DSTYK: variants seen among roughly 807,000 people sequenced by gnomAD.
DSTYK encodes dual serine/threonine and tyrosine protein kinase, also known as RIP-homologous kinase.
A neutral mutation model predicts 98.7 loss-of-function variants in DSTYK; 34 were observed. The ratio of observed to expected loss-of-function variants is 0.34; its 90% confidence interval spans 0.26 to 0.46. The LOEUF (loss-of-function observed/expected upper bound fraction) is 0.46. Among genes scored for constraint, DSTYK ranks in the 20% least tolerant of loss-of-function variants. The pLI is 1.00. For missense variants in DSTYK, 962 were observed against 1,181.7 expected (o/e 0.81, Z 2.73); for synonymous variants, 462 against 457.3 (o/e 1.01, Z -0.13).
chr1:205,211,346 G>C lies in DSTYK; in HGVS notation c.190C>G (p.Leu64Val). The C allele has an allele frequency of 6.2e-7, 1 of 1,612,078 alleles. No individual in the cohort carries two copies. The highest frequency in any genetic ancestry group is 8.5e-7 in the Non-Finnish European group (1 of 1,179,226). The stretch of plus-strand genomic sequence containing the variant: ...CCGCCGCCGCCCGTGAGGGAGGAGA[G>C]ACAAGTGTGGTTGTGGGAGCACTTG... ...DIKCSHNHTC[L>V]SSLTGGGGAE... is the part of the protein sequence containing the mutation. Residue 64 changes from leucine to valine, a missense_variant, in exon 1 of 13, where the codon CTC becomes GTC. Physicochemically the swap from Leu to Val is conservative, Grantham distance 32 (BLOSUM62 1). Transcript: ENST00000367162.
chr1:205,157,201 T>C, intron 10 of DSTYK, 72 bp downstream of exon 10: 3 of 1,325,306 alleles, frequency 2.3e-6, no homozygotes, highest in Non-Finnish European at 3.2e-6. Flanking sequence ...CTAACTTACA[T>C]TTACATGTAC....
At chr1:205,161,623 C>T (rs1242055700) in intron 6 of DSTYK, among the ~76,000 whole-genome samples, 1 of 152,138 alleles carries the variant, frequency 6.6e-6, no homozygotes, top group African/African-American at 2.4e-5. Flanking sequence ...ACCCACTCCC[C>T]GCCAGTGGAC....
intron 8 of DSTYK, 115 bp downstream of exon 8, chr1:205,159,999 C>A: frequency 8.1e-7 from 1 of 1,240,264 alleles, no homozygotes; most frequent in Non-Finnish European, 1.2e-6. Context: ...GTCTGTTAGA[C>A]ACAGAAAACT....
intron 2 of DSTYK, among the ~76,000 whole-genome samples, chr1:205,171,294 T>C (rs1222460933): frequency 6.6e-6 from 1 of 151,522 alleles, no homozygotes. Context: ...GTACTAAAAA[T>C]ACAAAAATTA....
intron 1 of DSTYK, chr1:205,202,377 T>C (rs1659069076): frequency 1.4e-6 from 1 of 732,690 alleles, no homozygotes; most frequent in Admixed American, 1.7e-5. Flanking sequence ...ATTCCAACAT[T>C]ACAATGGTTG....
chr1:205,164,975 C>T (rs1000719753), intron 3 of DSTYK, among the ~76,000 whole-genome samples: 5 of 152,188 alleles, frequency 3.3e-5, no homozygotes, highest in Non-Finnish European at 5.9e-5. Context: ...GGAAGTAATA[C>T]AGCCAGCTTT....
At position 205,144,819 on chromosome 1, in the gene DSTYK, G is replaced by C. The variant is rs746592522; in HGVS notation, c.*2739C>G. ...AAAAACTGTTGGGGAATCTGCTAGA[G>C]AACTGGTATCTGACAGCAAACTAAG... On this transcript the variant is annotated 3_prime_UTR_variant, in exon 13 of 13. Transcript: ENST00000367162. The C allele has an allele frequency of 1.3e-5, 2 of 152,158 alleles. No homozygotes were observed. The highest frequency in any genetic ancestry group is 2.4e-5 in the African/African-American group (1 of 41,432). 9.4% of individuals were successfully genotyped at this position (152,158 alleles called of 1,614,324 possible). A position where few individuals can be genotyped will look rare whatever the true frequency, so the allele number is the denominator to read the frequency against.
At chr1:205,172,974 C>T (rs1658112759) in intron 2 of DSTYK, 1 of 152,156 alleles carries the variant, frequency 6.6e-6, no homozygotes, top group African/African-American at 2.4e-5. Flanking sequence ...TGAATCATTT[C>T]AGTCAGGCAT....
chr1:205,174,915 T>G (rs1658184508), intron 2 of DSTYK, among the ~76,000 whole-genome samples: 1 of 150,372 alleles, frequency 6.7e-6, no homozygotes, highest in South Asian at 2.1e-4. Context: ...TTTTGTTTTT[T>G]TAGTAGAGAT....
rs142520240 is a variant in DSTYK, at chr1:205,166,896, G to A, written c.1324+2267C>T. On this transcript the variant is annotated intron_variant, in intron 3 of 12. Coordinates refer to ENST00000367162, the MANE Select transcript of DSTYK (RefSeq NM_015375.3). ...CTCATTGATTCTCCAAAGACGTACT[G>A]TATACAAGAGTCTGTGTTATTTGCT... Among the ~76,000 whole-genome samples the A allele has an allele frequency of 1.6e-3, 248 of 152,276 alleles. 1 individual carries two copies. The highest frequency in any genetic ancestry group is 5.8e-3 in the African/African-American group (239 of 41,562).
intron 1 of DSTYK, among the ~76,000 whole-genome samples, chr1:205,191,241 C>T (rs549662815): frequency 7.2e-5 from 11 of 152,350 alleles, no homozygotes; most frequent in African/African-American, 2.4e-4. Flanking sequence ...AAGCTCTTTG[C>T]TTCTCCCACT....
rs1313778082 is a variant in DSTYK, at chr1:205,163,777, G to C, written c.1503C>G (p.Ser501Arg). The change falls in exon 4 of 13, where the codon AGC becomes AGG. Residue 501 changes from serine to arginine, a missense_variant. Ser to Arg is a moderately radical substitution (Grantham distance 110). Coordinates refer to ENST00000367162, the MANE Select transcript of DSTYK (RefSeq NM_015375.3). ...CTGAGACATCCTGAGACTTCTCCAG[G>C]CTCTGCAGACATCGTTCCAGGGTTC... is the stretch of plus-strand genomic sequence containing the variant. ...FVGTLERCLQ[S>R]LEKSQDVSVH... The C allele has an allele frequency of 6.2e-7, 1 of 1,614,058 alleles. No homozygotes were observed. The highest frequency in any genetic ancestry group is 8.5e-7 in the Non-Finnish European group (1 of 1,180,014).
Position 205,160,205 on chromosome 1 carries a change from A to T in DSTYK, c.2014T>A (p.Trp672Arg). ...AGGGCACAAGGGAAGTGTCCTCCCC[A>T]GTTGTCACACAGGTATACCACACCA... is the stretch of plus-strand genomic sequence containing the variant. ...QYGVVYLCDN[W>R]GGHFPCALKS... is the part of the protein sequence containing the mutation. Residue 672 changes from tryptophan (W) to arginine (R), a missense_variant, in exon 8 of 13, where the codon TGG (tryptophan) becomes AGG (arginine). Trp to Arg is a moderately radical substitution (Grantham distance 101). This residue lies in a region of DSTYK where 660 missense variants were observed against 855.0 expected (regional missense o/e 0.77). Coordinates refer to ENST00000367162, the MANE Select transcript of DSTYK (RefSeq NM_015375.3). 6.2e-7 allele frequency: 1 copy of T among 1,614,166 alleles called. No homozygotes were observed. The highest frequency in any genetic ancestry group is 8.5e-7 in the Non-Finnish European group (1 of 1,180,002).
At chr1:205,182,498 TAAAAAAAAA>T (rs386369411) in intron 2 of DSTYK, among the ~76,000 whole-genome samples, 3 of 77,740 alleles carry the variant, frequency 3.9e-5, no homozygotes, top group African/African-American at 5.6e-5. Flanking sequence ...TTAAAAACGG[TAAAAAAAAA>T]AAAAAAAAAA....
intron 1 of DSTYK, among the ~76,000 whole-genome samples, chr1:205,208,898 T>C: frequency 6.6e-6 from 1 of 152,154 alleles, no homozygotes; most frequent in Non-Finnish European, 1.5e-5. Context: ...TCACTAACTT[T>C]CCTTGGTGCA....
intron 3 of DSTYK, among the ~76,000 whole-genome samples, chr1:205,166,941 A>G (rs932761075): frequency 1.2e-4 from 19 of 152,368 alleles, no homozygotes; most frequent in Non-Finnish European, 2.2e-4. Context: ...ATGATGATGA[A>G]TAAGACCCAG....
intron 1 of DSTYK, among the ~76,000 whole-genome samples, chr1:205,190,489 G>T (rs1658676447): frequency 1.3e-5 from 2 of 151,884 alleles, no homozygotes; most frequent in African/African-American, 2.4e-5. Context: ...AGCTGGGCGT[G>T]GTGGTAATCC....
At chr1:205,183,799 G>A (rs1658488537) in intron 2 of DSTYK, among the ~76,000 whole-genome samples, 1 of 152,176 alleles carries the variant, frequency 6.6e-6, no homozygotes, top group Non-Finnish European at 1.5e-5. Flanking sequence ...AACAGAGACA[G>A]GAGCTGGGCT....
rs575818689 is a variant in DSTYK, at chr1:205,200,049, T to C, written c.265+11222A>G. ...GAACATTTCAACTCTTATTCTTTTT[T>C]TTAATGAGACAGAGTCTCGCTCTGT... On this transcript the variant is annotated intron_variant, in intron 1 of 12. Transcript: ENST00000367162. 5.4e-4 allele frequency among the ~76,000 whole-genome samples: 82 copies of C among 152,304 alleles called. 2 individuals are homozygous for C. Among genetic ancestry groups the C allele is most frequent in the African/African-American group, 1.9e-3 (79 of 41,564 alleles).
Sources: allele counts gnomAD v4.1 joint callset (sites outside exome capture counted in the v4.1 genomes callset), GRCh38; gene constraint gnomAD v4.1.1; regional missense constraint gnomAD v4.1.1; transcripts MANE v1.5; gene names NCBI Gene and HGNC (gene_info 2026-07-23, HGNC 2026-07-21).